SHISA9: variants seen among roughly 807,000 people sequenced by gnomAD.
SHISA9 encodes shisa family member 9, also known as protein shisa-9.
Under a neutral mutation model 38.0 loss-of-function variants are expected in SHISA9, and 13 were observed. That is an observed-to-expected ratio of 0.34 (90% confidence interval 0.22 to 0.54). The LOEUF is 0.54. Among genes scored for constraint, SHISA9 ranks in the 20% least tolerant of loss-of-function variants. The probability of loss-of-function intolerance (pLI) is 0.91; values close to 1 mark genes in which losing one functional copy is unlikely to be tolerated. For missense variants in SHISA9, 538 were observed against 575.8 expected, an observed-to-expected ratio of 0.93 and a Z score of 0.67; for synonymous variants, 275 against 242.0, an observed-to-expected ratio of 1.14 and a Z score of -1.27.
the SHISA9 span, among the ~76,000 whole-genome samples, chr16:13,312,433 C>T: frequency 1.3e-5 from 2 of 152,206 alleles, no homozygotes; most frequent in African/African-American, 4.8e-5. Flanking sequence ...TTCACAGACA[C>T]TGAATGACGA....
chr16:13,556,487 C>A, the SHISA9 span, among the ~76,000 whole-genome samples: 1 of 151,932 alleles, frequency 6.6e-6, no homozygotes, highest in Non-Finnish European at 1.5e-5. Flanking sequence ...GGTGAAACCC[C>A]GTCTCTACTA....
At chr16:13,105,037 A>C (rs1777292066) in intron 2 of SHISA9, among the ~76,000 whole-genome samples, 2 of 152,168 alleles carry the variant, frequency 1.3e-5, no homozygotes, top group African/African-American at 4.8e-5. Context: ...GTAAAAATTG[A>C]AACTGGTTAA....
At chr16:13,006,711 T>C (rs1005095310) in intron 2 of SHISA9, among the ~76,000 whole-genome samples, 3 of 152,168 alleles carry the variant, frequency 2.0e-5, no homozygotes, top group African/African-American at 4.8e-5. Context: ...CCTTGAGAAA[T>C]TCACAGCTGA....
the SHISA9 span, among the ~76,000 whole-genome samples, chr16:13,367,182 G>A: frequency 6.6e-6 from 1 of 151,280 alleles, no homozygotes; most frequent in South Asian, 2.1e-4. Flanking sequence ...TAAATAAAAT[G>A]TCCAAGAATG....
intron 2 of SHISA9, among the ~76,000 whole-genome samples, chr16:13,026,397 A>T (rs2072922824): frequency 6.6e-6 from 1 of 152,238 alleles, no homozygotes; most frequent in African/African-American, 2.4e-5. Flanking sequence ...CTTACGTAAC[A>T]GGATTCCCCT....
At chr16:13,029,103 A>G (rs2072960515) in intron 2 of SHISA9, among the ~76,000 whole-genome samples, 3 of 152,320 alleles carry the variant, frequency 2.0e-5, no homozygotes, top group Non-Finnish European at 4.4e-5. Context: ...GTAGATATAT[A>G]GAGCTACCAC....
chr16:13,522,791 T>C, the SHISA9 span, among the ~76,000 whole-genome samples: 4 of 152,186 alleles, frequency 2.6e-5, no homozygotes, highest in Admixed American at 6.5e-5. Flanking sequence ...TTAGGGCAGC[T>C]AGTTTACAGC....
the SHISA9 span, among the ~76,000 whole-genome samples, chr16:13,427,602 G>C: frequency 2.0e-5 from 3 of 152,172 alleles, no homozygotes; most frequent in Non-Finnish European, 4.4e-5. Context: ...GGAAAAAGTA[G>C]AGGGAAGTGG....
the SHISA9 span, among the ~76,000 whole-genome samples, chr16:13,254,946 C>A: frequency 0.087 from 13,240 of 152,260 alleles, 787 homozygotes; most frequent in East Asian, 0.2. Context: ...GCTGTTTGAG[C>A]AGCAGGAAAG....
chr16:13,099,850 T>C (rs1017041120), intron 2 of SHISA9, among the ~76,000 whole-genome samples: 1 of 152,176 alleles, frequency 6.6e-6, no homozygotes, highest in African/African-American at 2.4e-5. Context: ...ACTTTACAAA[T>C]CCCAGGGGCC....
chr16:13,392,445 T>G, the SHISA9 span, among the ~76,000 whole-genome samples: 2 of 152,226 alleles, frequency 1.3e-5, no homozygotes, highest in Non-Finnish European at 2.9e-5. Flanking sequence ...TGTCTGGATG[T>G]ACCACAGTTT....
chr16:13,064,405 G>A (rs140607755), intron 2 of SHISA9, among the ~76,000 whole-genome samples: 5 of 152,244 alleles, frequency 3.3e-5, no homozygotes, highest in Non-Finnish European at 5.9e-5. Context: ...GATCAGGCGC[G>A]TTCAGGGTGG....
At chr16:12,923,058 C>T (rs775557469) in intron 2 of SHISA9, among the ~76,000 whole-genome samples, 2 of 152,108 alleles carry the variant, frequency 1.3e-5, no homozygotes, top group Non-Finnish European at 2.9e-5. Context: ...AGCTCCTGAC[C>T]GCAGGTGATC....
chr16:13,316,828 A>T, the SHISA9 span, among the ~76,000 whole-genome samples: 4 of 152,322 alleles, frequency 2.6e-5, no homozygotes, highest in South Asian at 8.3e-4. Flanking sequence ...AGTGGTTCAG[A>T]GATATTAGAT....
the SHISA9 span, among the ~76,000 whole-genome samples, chr16:13,286,278 C>T: frequency 6.6e-6 from 1 of 152,282 alleles, no homozygotes; most frequent in South Asian, 2.1e-4. Context: ...CCCCCTGAGG[C>T]TGTGTCACAG....
chr16:12,984,141 A>C (rs985897155), intron 2 of SHISA9, among the ~76,000 whole-genome samples: 4 of 151,708 alleles, frequency 2.6e-5, no homozygotes, highest in African/African-American at 4.8e-5. Flanking sequence ...CTTCCTACCA[A>C]TTTTCCCTTG....
chr16:13,367,047 A>C, the SHISA9 span, among the ~76,000 whole-genome samples: 7 of 151,810 alleles, frequency 4.6e-5, no homozygotes, highest in Admixed American at 1.3e-4. Flanking sequence ...ATATGTGTAC[A>C]ATTCCTGCCC....
the SHISA9 span, among the ~76,000 whole-genome samples, chr16:13,550,353 A>G: frequency 6.6e-6 from 1 of 152,218 alleles, no homozygotes; most frequent in Non-Finnish European, 1.5e-5. Flanking sequence ...ATGATGCGTA[A>G]GTGCCTCGCC....
intron 2 of SHISA9, among the ~76,000 whole-genome samples, chr16:13,150,571 A>G (rs2050490544): frequency 6.6e-6 from 1 of 152,186 alleles, no homozygotes; most frequent in Admixed American, 6.5e-5. Flanking sequence ...TATTCTGGGA[A>G]CCAGTAGTGT....
Sources: allele counts gnomAD v4.1 joint callset (sites outside exome capture counted in the v4.1 genomes callset), GRCh38; gene constraint gnomAD v4.1.1; transcripts MANE v1.5; gene names NCBI Gene and HGNC (gene_info 2026-07-23, HGNC 2026-07-21).